Variants in BPTF observed in about 807,000 individuals in gnomAD.
BPTF encodes the protein bromodomain PHD finger transcription factor.
A neutral mutation model predicts 292.5 loss-of-function variants in BPTF; 18 were observed. That is an observed-to-expected ratio of 0.06 (90% CI 0.04 to 0.09). The LOEUF (loss-of-function observed/expected upper bound fraction) is 0.09. BPTF is among the 10% of genes least tolerant of loss of function. The probability of loss-of-function intolerance (pLI) is 1.00; values close to 1 mark genes in which losing one functional copy is unlikely to be tolerated. For synonymous variants in BPTF, 1,225 were observed against 1,251.9 expected (o/e 0.98, Z 0.45); for missense variants, 2,726 against 3,498.7 (o/e 0.78, Z 5.57).
intron 3 of BPTF, among the ~76,000 whole-genome samples, chr17:67,868,410 C>G (rs1291246252): frequency 6.6e-6 from 1 of 152,192 alleles, no homozygotes; most frequent in Non-Finnish European, 1.5e-5. Flanking sequence ...CTGCAGATAG[C>G]AAAATCCATG....
intron 1 of BPTF, among the ~76,000 whole-genome samples, chr17:67,839,192 G>A (rs1215452629): frequency 1.3e-5 from 2 of 151,944 alleles, no homozygotes; most frequent in Non-Finnish European, 2.9e-5. Context: ...AATGTTAAAT[G>A]TTAGTTATAA....
intron 24 of BPTF, chr17:67,960,434 G>T (rs1391604289): frequency 6.6e-6 from 1 of 152,162 alleles, no homozygotes; most frequent in African/African-American, 2.4e-5. Flanking sequence ...AATACAAAAA[G>T]TGTTCCTTTC....
At chr17:67,910,761 C>T (rs181793244) in intron 10 of BPTF, 116 bp from the exon 11 acceptor site, 42 of 688,608 alleles carry the variant, frequency 6.1e-5, no homozygotes, top group South Asian at 5.4e-4. Flanking sequence ...GATCATGCCA[C>T]TGCACTCCAG....
intron 1 of BPTF, among the ~76,000 whole-genome samples, chr17:67,848,163 T>A (rs1210758373): frequency 7.4e-6 from 1 of 134,588 alleles, no homozygotes; most frequent in Non-Finnish European, 1.5e-5. Context: ...CTGAAAACAC[T>A]GTAAATTCTT....
rs546529401 is a variant in BPTF at position 67,903,080 on chromosome 17, T to G, written c.2544-709T>G. Among the ~76,000 whole-genome samples, 3 of 152,366 alleles carry G rather than the reference T, an allele frequency of 2.0e-5. No homozygotes were observed. The South Asian group carries it at 6.2e-4, about 32-fold the overall frequency. On this transcript the variant is annotated intron_variant, in intron 7 of 27. Coordinates refer to ENST00000306378, the MANE Select transcript of BPTF (RefSeq NM_182641.4). ...TGTGGCCGATGCCTGTGTCTCATGA[T>G]TTAGGTCAATATGGGCCGACCTTCC...
intron 4 of BPTF, among the ~76,000 whole-genome samples, chr17:67,885,293 G>A (rs1266665057): frequency 6.6e-6 from 1 of 152,132 alleles, no homozygotes; most frequent in South Asian, 2.1e-4. Flanking sequence ...TCAGAAGTTA[G>A]CAATCACAGC....
chr17:67,851,268 TCTG>T (rs2058383608), intron 1 of BPTF, among the ~76,000 whole-genome samples: 1 of 148,450 alleles, frequency 6.7e-6, no homozygotes, highest in South Asian at 2.1e-4. Flanking sequence ...TTTGCGATTT[TCTG>T]CTTTTTTTTT....
intron 2 of BPTF, among the ~76,000 whole-genome samples, chr17:67,864,232 AAAC>A (rs2145391042): frequency 6.6e-6 from 1 of 152,326 alleles, no homozygotes; most frequent in South Asian, 2.1e-4. Flanking sequence ...AAGTATAAAA[AAAC>A]AACTTTTCAG....
chr17:67,907,932 CT>C (rs548906040), intron 9 of BPTF, among the ~76,000 whole-genome samples: 16 of 152,200 alleles, frequency 1.1e-4, no homozygotes, highest in African/African-American at 3.9e-4. Context: ...GCCTTTGATC[CT>C]TTTTTTCAGT....
At chr17:67,849,527 C>G (rs982464559) in intron 1 of BPTF, among the ~76,000 whole-genome samples, 20 of 152,116 alleles carry the variant, frequency 1.3e-4, no homozygotes, top group African/African-American at 2.4e-5. Context: ...GGAATTTCAT[C>G]TAATGTGTAT....
intron 4 of BPTF, among the ~76,000 whole-genome samples, chr17:67,881,437 A>T (rs990315183): frequency 6.7e-6 from 1 of 149,528 alleles, no homozygotes; most frequent in African/African-American, 2.5e-5. Flanking sequence ...AGGTGGTGAG[A>T]TTGCAAGATT....
At chr17:67,827,748 C>T (rs1363922728) in intron 1 of BPTF, among the ~76,000 whole-genome samples, 1 of 151,990 alleles carries the variant, frequency 6.6e-6, no homozygotes, top group Non-Finnish European at 1.5e-5. Flanking sequence ...AATGTGAACC[C>T]ACATAGGTTG....
chr17:67,929,791 G>A (rs1714963668), intron 17 of BPTF, among the ~76,000 whole-genome samples: 1 of 152,222 alleles, frequency 6.6e-6, no homozygotes, highest in Admixed American at 6.5e-5. Context: ...ACCCACGGAA[G>A]TGTGCTGTGC....
Position 67,940,571 on chromosome 17 carries a change from A to G in BPTF, c.6392A>G (p.Gln2131Arg). 1.2e-6 allele frequency: 2 copies of G among 1,614,142 alleles called. No homozygotes were observed. The highest frequency in any genetic ancestry group is 1.7e-6 in the Non-Finnish European group (2 of 1,180,018). Residue 2131 changes from glutamine to arginine, a missense_variant, in exon 19 of 28, where the codon CAG (glutamine) becomes CGG (arginine). Physicochemically the swap from Gln to Arg is conservative, Grantham distance 43. This residue lies in a region of BPTF where 570 missense variants were observed against 633.5 expected (regional missense o/e 0.90). Transcript: ENST00000306378. The stretch of plus-strand genomic sequence containing the variant: ...TCAGCAACGTCCACTTCAAATATAC[A>G]GTCTTCAGCCTCACAACCCCCTCGC... Reference protein sequence around the residue: ...LTSATSTSNIQSSASQPPRPQ... With the variant: ...LTSATSTSNIRSSASQPPRPQ...
chr17:67,831,071 A>G (rs1355737630), intron 1 of BPTF, among the ~76,000 whole-genome samples: 2 of 152,142 alleles, frequency 1.3e-5, no homozygotes, highest in Non-Finnish European at 1.5e-5. Flanking sequence ...GAAGATCTTG[A>G]AAGAGTGGGG....
chr17:67,919,214 AT>A (rs1568072218), intron 12 of BPTF, among the ~76,000 whole-genome samples: 2,387 of 134,074 alleles, frequency 0.018, 70 homozygotes, highest in African/African-American at 0.064. Flanking sequence ...AATAATAATA[AT>A]AATAAAATAT....
chr17:67,848,003 C>T (rs369329934), intron 1 of BPTF, among the ~76,000 whole-genome samples: 3 of 152,068 alleles, frequency 2.0e-5, no homozygotes, highest in South Asian at 2.1e-4. Flanking sequence ...GTATTAACTT[C>T]GGCTGGAAAT....
At chr17:67,902,241 C>T (rs1420023816) in intron 7 of BPTF, among the ~76,000 whole-genome samples, 4 of 152,182 alleles carry the variant, frequency 2.6e-5, no homozygotes, top group African/African-American at 4.8e-5. Flanking sequence ...GGTGTCACTG[C>T]GCTGAAGTCC....
At chr17:67,923,944 C>T (rs2063652188) in intron 14 of BPTF, among the ~76,000 whole-genome samples, 1 of 151,810 alleles carries the variant, frequency 6.6e-6, no homozygotes, top group East Asian at 1.9e-4. Flanking sequence ...CAGATTCAAG[C>T]AATTCTCCTG....
Sources: allele counts gnomAD v4.1 joint callset (sites outside exome capture counted in the v4.1 genomes callset), GRCh38; gene constraint gnomAD v4.1.1; regional missense constraint gnomAD v4.1.1; transcripts MANE v1.5; gene names NCBI Gene and HGNC (gene_info 2026-07-23, HGNC 2026-07-21).